ADAMTS12: variants seen among roughly 807,000 people sequenced by gnomAD.
ADAMTS12 encodes ADAM metallopeptidase with thrombospondin type 1 motif 12, also known as A disintegrin and metalloproteinase with thrombospondin motifs 12.
ADAMTS12 carries 118 observed loss-of-function variants against 167.8 expected under a neutral mutation model. The observed-to-expected ratio is 0.70, with a 90% CI of 0.61 to 0.82. ADAMTS12 has a LOEUF of 0.82. ADAMTS12 is among the 40% of genes least tolerant of loss of function. The pLI is 0.00. For synonymous variants in ADAMTS12, 704 were observed against 716.9 expected (o/e 0.98, Z 0.29); for missense variants, 1,916 against 1,998.8 (o/e 0.96, Z 0.79).
intron 5 of ADAMTS12, among the ~76,000 whole-genome samples, chr5:33,682,671 A>G (rs763353874): frequency 6.6e-6 from 1 of 152,198 alleles, no homozygotes; most frequent in Non-Finnish European, 1.5e-5. Context: ...AAGGTTCGAC[A>G]TTTCCATGTC....
Position 33,630,847 on chromosome 5 carries a change from A to T in ADAMTS12, c.1955T>A (p.Val652Asp). The change falls in exon 13 of 24, where the codon GTC (valine) becomes GAC (aspartate). Residue 652 changes from valine (V) to aspartate (D), a missense_variant. Physicochemically the swap from Val to Asp is radical, Grantham distance 152 (BLOSUM62 -3). Coordinates refer to ENST00000504830, the MANE Select transcript of ADAMTS12 (RefSeq NM_030955.4). ...GQFSEKMLDA[V>D]IDGTPCFEGG... ...TTCAAAGCAAGGGGTACCATCAATG[A>T]CAGCATCCAGCATTTTCTCAGAAAA... 6.2e-7 allele frequency: 1 copy of T among 1,613,724 alleles called. No individual in the cohort carries two copies. The highest frequency in any genetic ancestry group is 8.5e-7 in the Non-Finnish European group (1 of 1,179,716).
chr5:33,672,276 C>T, intron 5 of ADAMTS12, among the ~76,000 whole-genome samples: 1 of 145,068 alleles, frequency 6.9e-6, no homozygotes. Context: ...CCCCACACCC[C>T]CACATACATA....
chr5:33,768,739 T>C (rs982525957), intron 2 of ADAMTS12, among the ~76,000 whole-genome samples: 3 of 152,186 alleles, frequency 2.0e-5, no homozygotes, highest in African/African-American at 7.2e-5. Flanking sequence ...CTTATTACCA[T>C]GTTCAGGAAC....
intron 18 of ADAMTS12, among the ~76,000 whole-genome samples, chr5:33,582,006 G>A (rs1435818305): frequency 2.0e-5 from 3 of 152,150 alleles, no homozygotes; most frequent in African/African-American, 4.8e-5. Flanking sequence ...CTTTCAGAAG[G>A]AATTCACTTT....
chr5:33,544,769 C>G (rs1254343572), intron 22 of ADAMTS12, among the ~76,000 whole-genome samples: 4 of 152,134 alleles, frequency 2.6e-5, no homozygotes, highest in Admixed American at 2.6e-4. Flanking sequence ...GGAAAGGATT[C>G]CCTATTTAAT....
intron 3 of ADAMTS12, among the ~76,000 whole-genome samples, chr5:33,702,603 A>G (rs1009812809): frequency 9.2e-5 from 14 of 152,324 alleles, no homozygotes; most frequent in East Asian, 5.8e-4. Context: ...AAAGTGCCCC[A>G]TGAGTGGCAA....
At chr5:33,844,132 C>G (rs896538703) in intron 2 of ADAMTS12, among the ~76,000 whole-genome samples, 1 of 152,098 alleles carries the variant, frequency 6.6e-6, no homozygotes, top group Non-Finnish European at 1.5e-5. Flanking sequence ...CCTGTCATCT[C>G]GTAAGCTGAG....
chr5:33,534,044 C>A (rs1025078217), intron 23 of ADAMTS12, among the ~76,000 whole-genome samples: 2 of 152,120 alleles, frequency 1.3e-5, no homozygotes, highest in Admixed American at 1.3e-4. Context: ...TCAATGAAGC[C>A]CAAACAATCA....
At chr5:33,627,470 T>G (rs1192080115) in intron 13 of ADAMTS12, among the ~76,000 whole-genome samples, 2 of 143,942 alleles carry the variant, frequency 1.4e-5, no homozygotes, top group African/African-American at 2.6e-5. Flanking sequence ...AGTGGTGGTG[T>G]TGGTGGTGGT....
At chr5:33,818,110 T>C (rs1747732443) in intron 2 of ADAMTS12, among the ~76,000 whole-genome samples, 1 of 152,124 alleles carries the variant, frequency 6.6e-6, no homozygotes, top group East Asian at 1.9e-4. Context: ...TACTTTGTTG[T>C]GACAAGAGCA....
At chr5:33,759,725 C>A (rs908583426) in intron 2 of ADAMTS12, among the ~76,000 whole-genome samples, 11 of 152,104 alleles carry the variant, frequency 7.2e-5, no homozygotes, top group African/African-American at 2.2e-4. Flanking sequence ...AGAAAAGTTG[C>A]CTTTTAGTTA....
chr5:33,683,780 C>A, intron 4 of ADAMTS12, 79 bp downstream of exon 4: 2 of 1,139,358 alleles, frequency 1.8e-6, no homozygotes, highest in Non-Finnish European at 2.3e-6. Flanking sequence ...CCCAAAAAGG[C>A]CTTTCTTATT....
Position 33,577,026 on chromosome 5 carries a change from C to T in ADAMTS12, c.3000G>A (p.Arg1000=). 6.2e-7 allele frequency: 1 copy of T among 1,614,136 alleles called. No individual in the cohort carries two copies. The highest frequency in any genetic ancestry group is 1.3e-5 in the African/African-American group (1 of 75,034). The change falls in exon 19 of 24, where the codon CGG becomes CGA. Residue 1000 remains arginine (R), a synonymous_variant. Coordinates refer to ENST00000504830, the MANE Select transcript of ADAMTS12 (RefSeq NM_030955.4). ...TGCCTTTGTTTGGTTTCAGAACTCTCCGGCTAGAAGGGCATTGCTGGAGGC... is the reference window on the plus strand; with the variant it reads ...TGCCTTTGTTTGGTTTCAGAACTCTTCGGCTAGAAGGGCATTGCTGGAGGC... ...LCGLQQCPSS[R]RVLKPNKGTI...
At chr5:33,548,133 G>T (rs1745072404) in intron 21 of ADAMTS12, among the ~76,000 whole-genome samples, 1 of 152,164 alleles carries the variant, frequency 6.6e-6, no homozygotes, top group Admixed American at 6.5e-5. Context: ...CCTCAGGTTG[G>T]GATTCTCTGC....
chr5:33,652,717 T>A (rs2112199130), intron 7 of ADAMTS12, among the ~76,000 whole-genome samples: 1 of 151,972 alleles, frequency 6.6e-6, no homozygotes, highest in Non-Finnish European at 1.5e-5. Flanking sequence ...CCAAAAGAGT[T>A]TCTTTCTTCT....
At chr5:33,544,582 G>A (rs1026309452) in intron 22 of ADAMTS12, among the ~76,000 whole-genome samples, 5 of 152,148 alleles carry the variant, frequency 3.3e-5, no homozygotes, top group Non-Finnish European at 7.4e-5. Context: ...GAACAAAGCT[G>A]GAGGCATCAT....
At chr5:33,758,136 G>A (rs554340926) in intron 2 of ADAMTS12, among the ~76,000 whole-genome samples, 13 of 152,250 alleles carry the variant, frequency 8.5e-5, no homozygotes, top group South Asian at 4.2e-4. Context: ...GTAAGTGCCC[G>A]ATAAGCATAT....
chr5:33,733,040 TCC>T (rs1744246089), intron 3 of ADAMTS12, among the ~76,000 whole-genome samples: 2 of 151,500 alleles, frequency 1.3e-5, no homozygotes, highest in African/African-American at 4.8e-5. Context: ...TATATTTTTA[TCC>T]AATATAACAC....
chr5:33,649,480 C>A lies in ADAMTS12; in HGVS notation c.1334+74G>T, dbSNP rs557386705. Reference sequence around the variant, plus strand: ...TCCAGCCTTTTCCAGGCATCAGCTTCTCTGTGTAAAACTCAATGCAGCTTC... The same window carrying A: ...TCCAGCCTTTTCCAGGCATCAGCTTATCTGTGTAAAACTCAATGCAGCTTC... On this transcript the variant is annotated intron_variant, in intron 8 of 23. Coordinates refer to ENST00000504830, the MANE Select transcript of ADAMTS12 (RefSeq NM_030955.4). 18 of 1,542,976 alleles carry A rather than the reference C, an allele frequency of 1.2e-5. No homozygotes were observed. In the Admixed American group the frequency reaches 2.5e-4, roughly 22 times the overall value.
Sources: gnomAD v4.1 joint callset for allele counts (sites outside exome capture counted in the v4.1 genomes callset) on GRCh38, gnomAD v4.1.1 for gene constraint, MANE v1.5 for transcripts, NCBI Gene and HGNC (gene_info 2026-07-23, HGNC 2026-07-21) for gene names.